The following CD1A variants were observed in gnomAD, a reference collection of about 807,000 sequenced individuals.
CD1A encodes T-cell surface glycoprotein CD1a.
In CD1A, 50 loss-of-function variants were observed where a neutral mutation model predicts 38.3. The ratio of observed to expected loss-of-function variants is 1.30; its 90% confidence interval spans 1.04 to 1.65. The LOEUF (loss-of-function observed/expected upper bound fraction) is 1.65, where lower values mean the gene tolerates loss of function less well. Ranked by LOEUF, CD1A falls within the 40% of genes most tolerant of loss-of-function variation. The pLI, the probability that CD1A is intolerant of heterozygous loss-of-function variation, is 0.00. For missense variants in CD1A, 459 were observed against 406.1 expected (o/e 1.13, Z -1.12); for synonymous variants, 160 against 150.8 (o/e 1.06, Z -0.45).
upstream of CD1A, among the ~76,000 whole-genome samples, chr1:158,251,423 T>G (rs1650085496): frequency 2.0e-5 from 3 of 152,202 alleles, no homozygotes; most frequent in Non-Finnish European, 4.4e-5. Flanking sequence ...GCAATAGTCT[T>G]CAAGTTCCTC....
chr1:158,255,915 C>G (rs1650241958), intron 2 of CD1A, 89 bp from the exon 3 acceptor site: 3 of 1,309,118 alleles, frequency 2.3e-6, no homozygotes, highest in Middle Eastern at 2.0e-4. Flanking sequence ...AAACCCTGCA[C>G]ACTTCCCCCT....
At chr1:158,257,343 G>A in intron 4 of CD1A, 78 bp from the exon 5 acceptor site, 2 of 1,120,152 alleles carry the variant, frequency 1.8e-6, no homozygotes, top group Non-Finnish European at 2.7e-6. Flanking sequence ...AGAAGCCCAG[G>A]GAATGCAGTG....
intron 3 of CD1A, 82 bp from the exon 4 acceptor site, chr1:158,256,704 A>T: frequency 6.8e-7 from 1 of 1,478,230 alleles, no homozygotes; most frequent in Non-Finnish European, 9.2e-7. Context: ...AATGGGAACA[A>T]TGTGTCTATC....
At chr1:158,254,130 T>TCGC, upstream of CD1A, 1 of 936,878 alleles carries the variant, frequency 1.1e-6, no homozygotes, top group Non-Finnish European at 1.3e-6. Context: ...GTTTGTACTG[T>TCGC]CGCACAGGGC....
intron 1 of CD1A, 56 bp downstream of exon 1, chr1:158,254,783 C>CTG (rs1346416008): frequency 7.8e-5 from 72 of 918,230 alleles, no homozygotes; most frequent in Admixed American, 1.8e-4. Flanking sequence ...CTCTCTCTCT[C>CTG]TCTGTGTGTG....
rs1384095363 is a variant in CD1A at position 158,255,086 on chromosome 1, CT to C, written c.62del (p.Leu21ProfsTer29). ...TTCTATCTGTTCTTTTGTCGCAGGG[CT>C]CAAGGAGCCTCTCTCCTTCCATGTC... is the stretch of plus-strand genomic sequence containing the variant. The part of the protein sequence containing the change: ...VLPGDGNADG[L>X]KEPLSFHVTW... On this transcript the variant is annotated frameshift_variant, in exon 2 of 6. Transcript: ENST00000289429. LOFTEE classifies it high-confidence loss of function. 1 of 1,613,742 alleles carries C rather than the reference CT, an allele frequency of 6.2e-7. No individual in the cohort carries two copies. The highest frequency in any genetic ancestry group is 8.5e-7 in the Non-Finnish European group (1 of 1,179,730).
chr1:158,256,720 T>C, intron 3 of CD1A, 66 bp from the exon 4 acceptor site: 1 of 1,543,046 alleles, frequency 6.5e-7, no homozygotes, highest in South Asian at 1.2e-5. Flanking sequence ...CTATCTAAAC[T>C]TCTAAACTGT....
At chr1:158,252,914 A>G (rs555157707), upstream of CD1A, among the ~76,000 whole-genome samples, 2 of 151,878 alleles carry the variant, frequency 1.3e-5, no homozygotes, top group East Asian at 3.9e-4. Flanking sequence ...AAACAAAACA[A>G]AACAAAACAA....
chr1:158,257,163 C>A, intron 4 of CD1A, 99 bp downstream of exon 4: 3 of 1,395,072 alleles, frequency 2.2e-6, no homozygotes, highest in Non-Finnish European at 1.9e-6. Flanking sequence ...GGGATTATAG[C>A]CCAAACATGA....
chr1:158,257,685 T>G lies in CD1A; in HGVS notation c.979T>G (p.Cys327Gly). The change falls in exon 6 of 6, where the codon TGT becomes GGT. Residue 327 changes from cysteine to glycine, a missense_variant. Physicochemically the swap from Cys to Gly is radical, Grantham distance 159. Coordinates refer to ENST00000289429, the MANE Select transcript of CD1A (RefSeq NM_001763.3). ...TCTATCTCTGTTCTCATCCAGTTTC[T>G]GTTAAGACACACCATGAGCCTCCTC... ...LALWFRKRCF[C>G] is the part of the protein sequence containing the mutation. 6.2e-7 allele frequency: 1 copy of G among 1,614,102 alleles called. No homozygotes were observed. Among genetic ancestry groups the G allele is most frequent in the Non-Finnish European group, 8.5e-7 (1 of 1,179,948 alleles).
At chr1:158,250,501 T>C (rs3181030), upstream of CD1A, among the ~76,000 whole-genome samples, 10,588 of 152,270 alleles carry the variant, frequency 0.07, 465 homozygotes, top group Non-Finnish European at 0.096. Flanking sequence ...ATTTGGGGGA[T>C]GATCCTGACT....
At position 158,255,262 on chromosome 1, in the gene CD1A, G is replaced by A. The variant is rs950431908; in HGVS notation, c.237G>A (p.Glu79=). Residue 79 remains glutamate (E), a synonymous_variant, in exon 2 of 6, where the codon GAG becomes GAA. Coordinates refer to ENST00000289429, the MANE Select transcript of CD1A (RefSeq NM_001763.3). ...PWSRGNFSNE[E]WKELETLFRI... is the part of the protein sequence containing the mutation. ...CCAGGGGAAACTTCAGCAATGAGGA[G>A]TGGAAGGAACTGGAAACATTATTCC... 3.1e-6 allele frequency: 5 copies of A among 1,614,064 alleles called. No homozygotes were observed. The highest frequency in any genetic ancestry group is 1.1e-5 in the South Asian group (1 of 91,090).
Position 158,255,305 on chromosome 1 carries a change from T to G in CD1A, c.280T>G (p.Ser94Ala), listed in dbSNP as rs1484783524. ...ATTATTCCGTATACGCACCATTCGG[T>G]CATTTGAGGGAATTCGTAGATACGC... Reference protein sequence around the residue: ...ETLFRIRTIRSFEGIRRYAHE... With the variant: ...ETLFRIRTIRAFEGIRRYAHE... Residue 94 changes from serine (S) to alanine (A), a missense_variant, in exon 2 of 6, where the codon TCA becomes GCA. Transcript: ENST00000289429. The G allele has an allele frequency of 1.2e-6, 2 of 1,614,106 alleles. No homozygotes were observed. The highest frequency in any genetic ancestry group is 1.7e-6 in the Non-Finnish European group (2 of 1,180,010).
At position 158,257,049 on chromosome 1, in the gene CD1A, A is replaced by G. The variant is rs1352089250; in HGVS notation, c.868A>G (p.Ile290Val). The change falls in exon 4 of 6, where the codon ATC becomes GTC. Residue 290 changes from isoleucine to valine, a missense_variant. Physicochemically the swap from Ile to Val is conservative, Grantham distance 29 (BLOSUM62 3). Transcript: ENST00000289429. ...VKHSSLEGQD[I>V]VLYWEHHSSV... ...GCACAGCAGTCTAGAGGGCCAGGAC[A>G]TCGTCCTCTACTGGGGTGAGAAAAA... 2.3e-5 allele frequency: 37 copies of G among 1,611,174 alleles called. No homozygotes were observed. Among genetic ancestry groups the G allele is most frequent in the Non-Finnish European group, 3.0e-5 (35 of 1,177,844 alleles).
chr1:158,251,330 A>T (rs1650081751), upstream of CD1A, among the ~76,000 whole-genome samples: 1 of 152,190 alleles, frequency 6.6e-6, no homozygotes, highest in Non-Finnish European at 1.5e-5. Context: ...GTTGAAACCC[A>T]TGTTATTCAA....
intron 2 of CD1A, 121 bp from the exon 3 acceptor site, chr1:158,255,883 C>A: frequency 1.9e-6 from 2 of 1,033,488 alleles, no homozygotes; most frequent in East Asian, 5.0e-5. Context: ...CCTGACCAAA[C>A]CAAATTTTAT....
rs1650269739 is a variant in CD1A at position 158,256,768 on chromosome 1, C to A, written c.605-18C>A. 1 of 1,607,330 alleles carries A rather than the reference C, an allele frequency of 6.2e-7. No individual in the cohort carries two copies. The highest frequency in any genetic ancestry group is 1.3e-5 in the African/African-American group (1 of 74,866). The stretch of plus-strand genomic sequence containing the variant: ...AAACTCCAAGTCTGTATTTGAATAT[C>A]TTTTCTGTCCTTTGCAGTGAAGCCC... On this transcript the variant is annotated intron_variant, in intron 3 of 5. Coordinates refer to ENST00000289429, the MANE Select transcript of CD1A (RefSeq NM_001763.3).
At chr1:158,256,734 G>A in intron 3 of CD1A, 52 bp from the exon 4 acceptor site, 1 of 1,575,136 alleles carries the variant, frequency 6.3e-7, no homozygotes, top group Admixed American at 1.8e-5. Flanking sequence ...AAACTGTTGT[G>A]GAGATATGAA....
chr1:158,255,384 G>T (rs1650224089), intron 2 of CD1A, 34 bp downstream of exon 2: 2 of 1,603,024 alleles, frequency 1.2e-6, no homozygotes, highest in East Asian at 2.2e-5. Context: ...GAGTGGTGAG[G>T]TGGGAGAGAG....
Sources: allele counts gnomAD v4.1 joint callset (sites outside exome capture counted in the v4.1 genomes callset), GRCh38; gene constraint gnomAD v4.1.1; transcripts MANE v1.5; gene names NCBI Gene and HGNC (gene_info 2026-07-23, HGNC 2026-07-21).